Variants in KIN observed in about 807,000 individuals in gnomAD.
The protein encoded by KIN is DNA/RNA-binding protein KIN17.
A neutral mutation model predicts 63.0 loss-of-function variants in KIN; 47 were observed. The observed-to-expected ratio is 0.75, with a 90% CI of 0.59 to 0.95. KIN has a LOEUF of 0.95. Among genes scored for constraint, KIN ranks in the 40% least tolerant of loss-of-function variants. KIN has a pLI of 0.00. For missense variants in KIN, 408 were observed against 460.9 expected, an observed-to-expected ratio of 0.89 and a Z score of 1.05; for synonymous variants, 160 against 157.7, an observed-to-expected ratio of 1.01 and a Z score of -0.11.
chr10:7,762,720 T>A (rs769981950), intron 10 of KIN, among the ~76,000 whole-genome samples, 164 bp from the exon 11 acceptor site: 3 of 152,166 alleles, frequency 2.0e-5, no homozygotes, highest in Non-Finnish European at 4.4e-5. Flanking sequence ...GATTTCCCAG[T>A]CTATGGTTCT....
At chr10:7,766,206 C>T in intron 8 of KIN, 103 bp from the exon 9 acceptor site, 2 of 670,210 alleles carry the variant, frequency 3.0e-6, no homozygotes, top group Non-Finnish European at 5.1e-6. Flanking sequence ...GTGAAGTCCT[C>T]TACTTCACAG....
At position 7,787,941 on chromosome 10, in the gene KIN, A is replaced by C; in HGVS notation, c.-8T>G. ...AAAATCCGACTTCCCCATGGCGACCACGGCAGCGATCACTTTCTGGACCCC... is the reference window on the plus strand; with the variant it reads ...AAAATCCGACTTCCCCATGGCGACCCCGGCAGCGATCACTTTCTGGACCCC... On this transcript the variant is annotated 5_prime_UTR_variant, in exon 1 of 13. Transcript: ENST00000379562. The C allele has an allele frequency of 6.2e-7, 1 of 1,600,666 alleles. No individual in the cohort carries two copies. Among genetic ancestry groups the C allele is most frequent in the South Asian group, 1.1e-5 (1 of 90,824 alleles).
At position 7,778,402 on chromosome 10, in the gene KIN, T is replaced by C. The variant is rs527616586; in HGVS notation, c.558+436A>G. On this transcript the variant is annotated intron_variant, in intron 5 of 12. Transcript: ENST00000379562. ...GCTTTTGACACCAGGCTGGTTCTCCTCTTAGTTCAGGAACAGTGCCCACAG... is the reference window on the plus strand; with the variant it reads ...GCTTTTGACACCAGGCTGGTTCTCCCCTTAGTTCAGGAACAGTGCCCACAG... Among the ~76,000 whole-genome samples the C allele has an allele frequency of 7.9e-5, 12 of 152,274 alleles. No individual in the cohort carries two copies. In the South Asian group the frequency reaches 2.5e-3, roughly 32 times the overall value.
chr10:7,765,887 C>A, intron 9 of KIN, among the ~76,000 whole-genome samples, 166 bp downstream of exon 9: 1 of 152,056 alleles, frequency 6.6e-6, no homozygotes, highest in Non-Finnish European at 1.5e-5. Context: ...GAGGTGCAAC[C>A]AATAATTAAT....
At chr10:7,773,328 A>G (rs1253136039) in intron 7 of KIN, among the ~76,000 whole-genome samples, 1 of 152,208 alleles carries the variant, frequency 6.6e-6, no homozygotes, top group Non-Finnish European at 1.5e-5. Context: ...TAGAAAACTA[A>G]TACAAGGGAG....
At chr10:7,782,201 G>A (rs1391260434) in intron 2 of KIN, among the ~76,000 whole-genome samples, 4 of 152,002 alleles carry the variant, frequency 2.6e-5, no homozygotes, top group East Asian at 1.9e-4. Context: ...AGGGGTCCTA[G>A]GACCAAAATG....
intron 12 of KIN, among the ~76,000 whole-genome samples, chr10:7,759,147 A>G (rs921500240): frequency 6.6e-6 from 1 of 152,150 alleles, no homozygotes; most frequent in Non-Finnish European, 1.5e-5. Flanking sequence ...TCTCTAAGTG[A>G]GCTATTACTC....
intron 7 of KIN, among the ~76,000 whole-genome samples, chr10:7,771,809 C>T (rs966384272): frequency 4.6e-5 from 7 of 150,678 alleles, no homozygotes; most frequent in Non-Finnish European, 7.4e-5. Context: ...GCAGGAGAAT[C>T]GCTTGAACTT....
In KIN at chr10:7,783,070, G is replaced by C; in HGVS notation, c.209+11C>G. ...AAGCCTATAAGATAAAGAGTTCTTT[G>C]AGTTACTTACTCTGAAAAATAATCC... On this transcript the variant is annotated intron_variant, in intron 2 of 12. Coordinates refer to ENST00000379562, the MANE Select transcript of KIN (RefSeq NM_012311.4). 1 of 1,464,990 alleles carries C rather than the reference G, an allele frequency of 6.8e-7. No individual in the cohort carries two copies. Among genetic ancestry groups the C allele is most frequent in the East Asian group, 2.3e-5 (1 of 43,414 alleles). The allele number at this position is 1,464,990 out of a possible 1,614,324, so 90.7% of individuals were successfully genotyped here. A position where few individuals can be genotyped will look rare whatever the true frequency, so the allele number is the denominator to read the frequency against.
rs1835244691 is a variant in KIN at position 7,751,600 on chromosome 10, G to A, written c.*4480C>T. On this transcript the variant is annotated 3_prime_UTR_variant, in exon 13 of 13. Transcript: ENST00000379562. ...AAACTTAGTGCTGAAGAGGTAAATA[G>A]CACTACCTCTTAGTTTTCTTCTTCT... The A allele has an allele frequency of 6.6e-6, 1 of 152,034 alleles. No individual in the cohort carries two copies. Among genetic ancestry groups the A allele is most frequent in the African/African-American group, 2.4e-5 (1 of 41,396 alleles). 9.4% of individuals were successfully genotyped at this position (152,034 alleles called of 1,614,324 possible). A position where few individuals can be genotyped will look rare whatever the true frequency, so the allele number is the denominator to read the frequency against.
chr10:7,767,582 T>A (rs1262733711), intron 8 of KIN, among the ~76,000 whole-genome samples: 3 of 151,812 alleles, frequency 2.0e-5, no homozygotes, highest in African/African-American at 7.3e-5. Flanking sequence ...GCCAGCCGGG[T>A]GCGGTGGCTC....
Position 7,762,475 on chromosome 10 carries a change from T to C in KIN, c.1000A>G (p.Thr334Ala). The C allele has an allele frequency of 6.2e-7, 1 of 1,606,106 alleles. No homozygotes were observed. The highest frequency in any genetic ancestry group is 8.5e-7 in the Non-Finnish European group (1 of 1,173,978). Residue 334 changes from threonine (T) to alanine (A), a missense_variant, in exon 11 of 13, where the codon ACA becomes GCA. Physicochemically the swap from Thr to Ala is moderately conservative, Grantham distance 58. Coordinates refer to ENST00000379562, the MANE Select transcript of KIN (RefSeq NM_012311.4). ...KLKLDQTHLETVIPAPGKRIL... is the reference protein window; with the variant it reads ...KLKLDQTHLEAVIPAPGKRIL... ...GATTTACCTGGTGCTGGAATTACTGTCTCTAAATGAGTCTGGTCAAGTTTC... is the reference window on the plus strand; with the variant it reads ...GATTTACCTGGTGCTGGAATTACTGCCTCTAAATGAGTCTGGTCAAGTTTC...
chr10:7,763,743 T>C lies in KIN; in HGVS notation c.898A>G (p.Lys300Glu). ...ITKKLGEKYH[K>E]KKAIVKEVID... ...CTTACCTTAACAATAGCCTTTTTCTTATGATATTTCTCTCCCAGTTTCTTG... is the reference window on the plus strand; with the variant it reads ...CTTACCTTAACAATAGCCTTTTTCTCATGATATTTCTCTCCCAGTTTCTTG... The change falls in exon 10 of 13, where the codon AAG becomes GAG. Residue 300 changes from lysine to glutamate, a missense_variant. Physicochemically the swap from Lys to Glu is moderately conservative, Grantham distance 56. Coordinates refer to ENST00000379562, the MANE Select transcript of KIN (RefSeq NM_012311.4). 1 of 1,487,038 alleles carries C rather than the reference T, an allele frequency of 6.7e-7. No individual in the cohort carries two copies. The highest frequency in any genetic ancestry group is 9.3e-7 in the Non-Finnish European group (1 of 1,077,630). 92.1% of individuals were successfully genotyped at this position (1,487,038 alleles called of 1,614,324 possible).
chr10:7,770,332 T>A (rs1350576989), intron 7 of KIN, among the ~76,000 whole-genome samples: 1 of 152,208 alleles, frequency 6.6e-6, no homozygotes, highest in Non-Finnish European at 1.5e-5. Flanking sequence ...TGTACACCAG[T>A]CACTAAGAAC....
At chr10:7,775,826 T>G in intron 5 of KIN, 27 bp from the exon 6 acceptor site, 1 of 1,422,080 alleles carries the variant, frequency 7.0e-7, no homozygotes, top group East Asian at 2.3e-5. Flanking sequence ...TTTAAGGTTT[T>G]GGTGTACATT....
At chr10:7,771,810 G>A (rs1409122932) in intron 7 of KIN, among the ~76,000 whole-genome samples, 21 of 151,116 alleles carry the variant, frequency 1.4e-4, no homozygotes, top group Non-Finnish European at 2.7e-4. Flanking sequence ...CAGGAGAATC[G>A]CTTGAACTTG....
Position 7,777,053 on chromosome 10 carries a change from CAAAAAAAAAAAA to C in KIN, c.559-1266_559-1255del, listed in dbSNP as rs60757813. 1.4e-4 allele frequency among the ~76,000 whole-genome samples: 11 copies of C among 80,732 alleles called. No homozygotes were observed. In the East Asian group the frequency reaches 2.0e-3, roughly 15 times the overall value. 53.0% of individuals were successfully genotyped at this position (80,732 alleles called of 152,430 possible). ...CTGGTGACAGAGAGAGACAGTCTCT[CAAAAAAAAAAAA>C]AAAAAAAAAAAATAGAACTTACATG... On this transcript the variant is annotated intron_variant, in intron 5 of 12. Transcript: ENST00000379562.
intron 7 of KIN, among the ~76,000 whole-genome samples, chr10:7,774,144 C>A (rs1405907040): frequency 1.3e-5 from 2 of 152,184 alleles, no homozygotes; most frequent in African/African-American, 4.8e-5. Flanking sequence ...GGCCGAAAAG[C>A]CTAAAATATT....
Position 7,778,826 on chromosome 10 carries a change from T to C in KIN, c.558+12A>G. On this transcript the variant is annotated intron_variant, in intron 5 of 12. Coordinates refer to ENST00000379562, the MANE Select transcript of KIN (RefSeq NM_012311.4). ...CTGGACGTTGCTTCTCAGGATGATG[T>C]TGCTTACCCACCTGTTCCTTCCCTT... The C allele has an allele frequency of 6.2e-7, 1 of 1,612,314 alleles. No individual in the cohort carries two copies. The highest frequency in any genetic ancestry group is 2.2e-5 in the East Asian group (1 of 44,860).
Sources: allele counts gnomAD v4.1 joint callset (sites outside exome capture counted in the v4.1 genomes callset), GRCh38; gene constraint gnomAD v4.1.1; transcripts MANE v1.5; gene names NCBI Gene and HGNC (gene_info 2026-07-23, HGNC 2026-07-21).